LYRM4: variants seen among roughly 807,000 people sequenced by gnomAD.
LYRM4 encodes LYR motif containing 4.
Under a neutral mutation model 11.7 loss-of-function variants are expected in LYRM4, and 9 were observed. The ratio of observed to expected loss-of-function variants is 0.77; its 90% CI spans 0.46 to 1.34. The LOEUF (loss-of-function observed/expected upper bound fraction) is 1.34. Among genes scored for constraint, LYRM4 ranks in the 40% most tolerant of loss-of-function variants. The pLI, the probability that LYRM4 is intolerant of heterozygous loss-of-function variation, is 0.00. For missense variants in LYRM4, 133 were observed against 112.5 expected (o/e 1.18, Z -0.82); for synonymous variants, 42 against 40.4 (o/e 1.04, Z -0.15).
intron 2 of LYRM4, among the ~76,000 whole-genome samples, chr6:5,207,756 G>A (rs990714602): frequency 2.6e-5 from 4 of 152,004 alleles, no homozygotes; most frequent in African/African-American, 9.7e-5. Context: ...TTCTTTTGAC[G>A]GCAGAGAGAG....
chr6:5,109,749 C>CT (rs889364717), intron 2 of LYRM4, among the ~76,000 whole-genome samples: 6 of 102,600 alleles, frequency 5.8e-5, no homozygotes, highest in Admixed American at 9.5e-5. Context: ...GCCTGGGACT[C>CT]GGGGCTGTGC....
rs921012041 is a variant in LYRM4, at chr6:5,222,766, A to AG, written c.87-6029_87-6028insC. Among the ~76,000 whole-genome samples, 9 of 147,668 alleles carry AG rather than the reference A, an allele frequency of 6.1e-5. No individual in the cohort carries two copies. The East Asian group carries it at 1.7e-3, about 29-fold the overall frequency. On this transcript the variant is annotated intron_variant, in intron 1 of 2. Transcript: ENST00000330636. ...CACTTTTAAGAAAAGCAAAACAAGA[A>AG]AAAAAAAAAAAGAAAGATTAGAATG...
chr6:5,135,514 A>ACTGTGGAGGGTGCGGATCGCTCCTGGGG (rs1335927605), intron 2 of LYRM4, among the ~76,000 whole-genome samples: 2 of 17,980 alleles, frequency 1.1e-4, no homozygotes, highest in African/African-American at 3.3e-4. Flanking sequence ...CACTCCCGGG[A>ACTGTGGAGGGTGCGGATCGCTCCTGGGG]CTGTGGAGGG....
At chr6:5,118,242 G>A (rs1051141497) in intron 2 of LYRM4, among the ~76,000 whole-genome samples, 21 of 151,374 alleles carry the variant, frequency 1.4e-4, no homozygotes, top group Non-Finnish European at 2.8e-4. Flanking sequence ...TCAGCTTCTC[G>A]AGTAGCTGGG....
intron 2 of LYRM4, among the ~76,000 whole-genome samples, chr6:5,176,382 G>A (rs1395491020): frequency 1.3e-5 from 2 of 152,112 alleles, no homozygotes; most frequent in Non-Finnish European, 2.9e-5. Context: ...AAATTTTAAG[G>A]TGGTAGAAAC....
chr6:5,165,426 A>G (rs1034497861), intron 2 of LYRM4, among the ~76,000 whole-genome samples: 1 of 152,246 alleles, frequency 6.6e-6, no homozygotes, highest in Non-Finnish European at 1.5e-5. Context: ...TTTTGTGTCA[A>G]TGCTAAACTA....
At chr6:5,130,944 A>G (rs1554128621) in intron 2 of LYRM4, among the ~76,000 whole-genome samples, 1 of 152,202 alleles carries the variant, frequency 6.6e-6, no homozygotes, top group Non-Finnish European at 1.5e-5. Context: ...TAAAATACAT[A>G]ATAACATAAG....
At chr6:5,151,745 TA>T (rs1758101167) in intron 2 of LYRM4, among the ~76,000 whole-genome samples, 1 of 152,242 alleles carries the variant, frequency 6.6e-6, no homozygotes, top group South Asian at 2.1e-4. Flanking sequence ...TTTGATTCCT[TA>T]TCTATAAAGT....
intron 1 of LYRM4, among the ~76,000 whole-genome samples, chr6:5,217,911 CTA>C (rs1319776093): frequency 2.0e-5 from 3 of 152,052 alleles, no homozygotes; most frequent in Admixed American, 6.6e-5. Flanking sequence ...ACCATTTTCT[CTA>C]TGTTTTTTTT....
chr6:5,194,711 A>T (rs1269626236), intron 2 of LYRM4, among the ~76,000 whole-genome samples: 1 of 152,216 alleles, frequency 6.6e-6, no homozygotes, highest in African/African-American at 2.4e-5. Context: ...TTAGGAAAAT[A>T]TAGAAACACT....
chr6:5,178,509 G>A (rs1014808636), intron 2 of LYRM4, among the ~76,000 whole-genome samples: 6 of 150,816 alleles, frequency 4.0e-5, no homozygotes, highest in Admixed American at 6.6e-5. Context: ...TGGGTGGAGC[G>A]GGGAATGAAA....
chr6:5,160,762 G>A (rs535801391), intron 2 of LYRM4, among the ~76,000 whole-genome samples: 5 of 152,212 alleles, frequency 3.3e-5, no homozygotes, highest in African/African-American at 1.2e-4. Flanking sequence ...CACCAGGTAG[G>A]GTGGAAAGGC....
chr6:5,183,994 C>G (rs1760231073), intron 2 of LYRM4, among the ~76,000 whole-genome samples: 1 of 152,186 alleles, frequency 6.6e-6, no homozygotes, highest in Admixed American at 6.5e-5. Context: ...ATGTACACAT[C>G]TAACAAAACA....
At chr6:5,158,308 T>C (rs1449022507) in intron 2 of LYRM4, among the ~76,000 whole-genome samples, 1 of 152,156 alleles carries the variant, frequency 6.6e-6, no homozygotes, top group Non-Finnish European at 1.5e-5. Flanking sequence ...CAGAAAAACC[T>C]TGGGCAAGTA....
chr6:5,082,464 A>G, the LYRM4 span, among the ~76,000 whole-genome samples: 3 of 151,972 alleles, frequency 2.0e-5, no homozygotes, highest in African/African-American at 7.3e-5. Flanking sequence ...TCAAGTCCAA[A>G]TCCTAAGGCA....
intron 2 of LYRM4, among the ~76,000 whole-genome samples, chr6:5,154,546 G>C (rs1362935735): frequency 6.6e-6 from 1 of 152,306 alleles, no homozygotes; most frequent in South Asian, 2.1e-4. Flanking sequence ...GCCGGGCGCG[G>C]TGGCTCAAGC....
chr6:5,041,575 G>A, the LYRM4 span, among the ~76,000 whole-genome samples: 2 of 152,160 alleles, frequency 1.3e-5, no homozygotes, highest in Non-Finnish European at 2.9e-5. Context: ...ATTTTAATGG[G>A]CCCATGTTTC....
chr6:5,260,674 GCT>G lies in LYRM4; in HGVS notation c.58_59del (p.Ser20GlnfsTer24), dbSNP rs1169773782. 8 of 1,548,452 alleles carry G rather than the reference GCT, an allele frequency of 5.2e-6. No homozygotes were observed. The African/African-American group carries it at 5.5e-5, about 11-fold the overall frequency. ...TGTAATTGTAGGCGCTGAAACGCTTGCTCTCTCTCAGCATCGCCCGGTACAGA... is the reference window on the plus strand; with the variant it reads ...TGTAATTGTAGGCGCTGAAACGCTTGCTCTCTCAGCATCGCCCGGTACAGA... ...LSLYRAMLRE[S>X]KRFSAYNYRT... On this transcript the variant is annotated frameshift_variant, in exon 1 of 3. Transcript: ENST00000330636. LOFTEE classifies it high-confidence loss of function.
At chr6:5,222,338 A>T (rs538188841) in intron 1 of LYRM4, among the ~76,000 whole-genome samples, 1 of 152,384 alleles carries the variant, frequency 6.6e-6, no homozygotes, top group Non-Finnish European at 1.5e-5. Context: ...AGATTCAAAC[A>T]ACTTTTAGAA....
Sources: allele counts gnomAD v4.1 joint callset (sites outside exome capture counted in the v4.1 genomes callset), GRCh38; gene constraint gnomAD v4.1.1; transcripts MANE v1.5; gene names NCBI Gene and HGNC (gene_info 2026-07-23, HGNC 2026-07-21).